RTTN: variants seen among roughly 807,000 people sequenced by gnomAD.
RTTN encodes the protein rotatin.
A neutral mutation model predicts 269.2 loss-of-function variants in RTTN; 182 were observed. The observed-to-expected ratio is 0.68, with a 90% CI of 0.60 to 0.76. The LOEUF (loss-of-function observed/expected upper bound fraction) is 0.76. RTTN is among the 30% of genes least tolerant of loss of function. The pLI, the probability that RTTN is intolerant of heterozygous loss-of-function variation, is 0.00. For missense variants in RTTN, 2,545 were observed against 2,608.6 expected, an observed-to-expected ratio of 0.98 and a Z score of 0.53; for synonymous variants, 1,006 against 963.5, an observed-to-expected ratio of 1.04 and a Z score of -0.82.
intron 41 of RTTN, 149 bp downstream of exon 41, chr18:70,030,727 C>T: frequency 1.9e-6 from 1 of 531,996 alleles, no homozygotes. Context: ...TTTACTGCTT[C>T]TGTATGGGAA....
chr18:70,131,425 TAAGGTCC>T, intron 23 of RTTN: 1 of 151,682 alleles, frequency 6.6e-6, no homozygotes, highest in East Asian at 1.9e-4. Flanking sequence ...TAATGTGTTC[TAAGGTCC>T]TTGCATTGTC....
At chr18:70,033,335 T>C (rs1267869088) in intron 40 of RTTN, among the ~76,000 whole-genome samples, 2 of 152,234 alleles carry the variant, frequency 1.3e-5, no homozygotes, top group African/African-American at 2.4e-5. Flanking sequence ...GGTATTTCTT[T>C]ACAGCAATGT....
intron 41 of RTTN, 75 bp from the exon 42 acceptor site, chr18:70,030,184 A>G: frequency 2.1e-6 from 2 of 943,454 alleles, no homozygotes; most frequent in Non-Finnish European, 3.2e-6. Context: ...TACCAATCAG[A>G]TTCTCAAAAA....
chr18:70,056,312 A>G (rs2144859065), intron 37 of RTTN, among the ~76,000 whole-genome samples: 1 of 152,318 alleles, frequency 6.6e-6, no homozygotes, highest in Non-Finnish European at 1.5e-5. Context: ...TGGGCCCTGG[A>G]ACTGACCTGC....
intron 32 of RTTN, among the ~76,000 whole-genome samples, chr18:70,084,077 T>C (rs2058640176): frequency 6.6e-6 from 1 of 152,136 alleles, no homozygotes; most frequent in Non-Finnish European, 1.5e-5. Flanking sequence ...GAAGTAGGAA[T>C]TTATGCTACT....
At chr18:70,168,131 A>G (rs541365439) in intron 12 of RTTN, among the ~76,000 whole-genome samples, 116 of 136,198 alleles carry the variant, frequency 8.5e-4, no homozygotes, top group Non-Finnish European at 1.5e-3. Context: ...AAAAAAATTC[A>G]AAGAAAATAA....
intron 6 of RTTN, 43 bp downstream of exon 6, chr18:70,197,581 G>T: frequency 7.7e-7 from 1 of 1,293,736 alleles, no homozygotes; most frequent in Non-Finnish European, 1.1e-6. Context: ...ATTGCAAAAA[G>T]TTCTCTAGTT....
At chr18:70,029,941 C>G in intron 42 of RTTN, 71 bp downstream of exon 42, 1 of 1,073,572 alleles carries the variant, frequency 9.3e-7, no homozygotes, top group Non-Finnish European at 1.4e-6. Context: ...CAAGCTCGTG[C>G]TCATTTCTAG....
intron 28 of RTTN, among the ~76,000 whole-genome samples, chr18:70,102,961 TCTG>T (rs1343166907): frequency 5.3e-5 from 8 of 150,554 alleles, no homozygotes; most frequent in African/African-American, 1.2e-4. Context: ...GAGGAGCGCC[TCTG>T]CCCAGCTGTC....
chr18:70,190,746 T>C, intron 8 of RTTN, 27 bp from the exon 9 acceptor site: 4 of 1,541,494 alleles, frequency 2.6e-6, no homozygotes, highest in Non-Finnish European at 3.6e-6. Flanking sequence ...TGATAAACCT[T>C]GCATACAGAA....
chr18:70,092,250 T>C, intron 29 of RTTN, 30 bp from the exon 30 acceptor site: 2 of 1,333,908 alleles, frequency 1.5e-6, no homozygotes, highest in Non-Finnish European at 2.1e-6. Flanking sequence ...ACAGAAATAT[T>C]TGAGGTAAGT....
intron 43 of RTTN, among the ~76,000 whole-genome samples, chr18:70,026,076 T>C (rs2145562277): frequency 6.6e-6 from 1 of 152,376 alleles, no homozygotes; most frequent in Middle Eastern, 3.4e-3. Context: ...ACTTCTACAT[T>C]ATTATTGCTG....
rs538234679 is a variant in RTTN, at chr18:70,150,001, T to G, written c.2142A>C (p.Glu714Asp). 1.8e-5 allele frequency: 29 copies of G among 1,612,366 alleles called. No individual in the cohort carries two copies. The South Asian group carries it at 3.0e-4, about 16-fold the overall frequency. Residue 714 changes from glutamate to aspartate, a missense_variant, in exon 16 of 49, where the codon GAA becomes GAC. Transcript: ENST00000640769. ...GTATTGGGATGACAGGACAGAGAGA[T>G]TCAATAAACTTGTTCCAGGTCAATG... ...MTALTWNKFI[E>D]SLCPVIPILQ...
intron 39 of RTTN, among the ~76,000 whole-genome samples, chr18:70,050,089 A>G (rs1410246844): frequency 1.3e-5 from 2 of 152,226 alleles, no homozygotes; most frequent in Non-Finnish European, 2.9e-5. Context: ...GATCTAAACT[A>G]AAGAGCGTCT....
chr18:70,155,554 A>G (rs1245461286), intron 14 of RTTN, among the ~76,000 whole-genome samples: 1 of 152,210 alleles, frequency 6.6e-6, no homozygotes, highest in Non-Finnish European at 1.5e-5. Flanking sequence ...TCTTGCAACG[A>G]TCCTCTAGGA....
At chr18:70,141,399 T>C (rs1266167403) in intron 19 of RTTN, among the ~76,000 whole-genome samples, 3 of 152,168 alleles carry the variant, frequency 2.0e-5, no homozygotes, top group African/African-American at 7.2e-5. Flanking sequence ...ACACTAGTTG[T>C]TTTTAAAAAT....
At chr18:70,198,026 A>T (rs1326417012) in intron 5 of RTTN, among the ~76,000 whole-genome samples, 1 of 152,228 alleles carries the variant, frequency 6.6e-6, no homozygotes, top group Non-Finnish European at 1.5e-5. Flanking sequence ...GTACCCTCAG[A>T]GATTATCACA....
At chr18:70,117,694 T>C (rs940773977) in intron 26 of RTTN, among the ~76,000 whole-genome samples, 1 of 152,018 alleles carries the variant, frequency 6.6e-6, no homozygotes, top group Non-Finnish European at 1.5e-5. Context: ...AAAATATACA[T>C]AAACCTTATG....
intron 32 of RTTN, among the ~76,000 whole-genome samples, chr18:70,084,483 C>T (rs1279851115): frequency 2.0e-5 from 3 of 152,118 alleles, no homozygotes; most frequent in African/African-American, 7.2e-5. Flanking sequence ...CCAGAGACAA[C>T]CATCTTGTTT....
Sources: allele counts gnomAD v4.1 joint callset (sites outside exome capture counted in the v4.1 genomes callset), GRCh38; gene constraint gnomAD v4.1.1; transcripts MANE v1.5; gene names NCBI Gene and HGNC (gene_info 2026-07-23, HGNC 2026-07-21).